ZDHHC14: variants seen among roughly 807,000 people sequenced by gnomAD.
ZDHHC14 encodes the protein zDHHC palmitoyltransferase 14.
ZDHHC14 carries 16 observed loss-of-function variants against 47.7 expected under a neutral mutation model. The ratio of observed to expected loss-of-function variants is 0.34; its 90% CI spans 0.23 to 0.51. The LOEUF is 0.51. Among genes scored for constraint, ZDHHC14 ranks in the 20% least tolerant of loss-of-function variants. ZDHHC14 has a pLI of 0.97. For missense variants in ZDHHC14, 515 were observed against 662.5 expected (o/e 0.78, Z 2.44); for synonymous variants, 293 against 278.9 (o/e 1.05, Z -0.50).
At chr6:157,447,079 C>T (rs9364502) in intron 1 of ZDHHC14, among the ~76,000 whole-genome samples, 109,912 of 151,772 alleles carry the variant, frequency 0.72, 39,818 homozygotes, top group Admixed American at 0.76. Flanking sequence ...AGATGCACCA[C>T]TGTACTTCAG....
intron 1 of ZDHHC14, among the ~76,000 whole-genome samples, chr6:157,453,031 A>G (rs963716664): frequency 6.6e-6 from 1 of 151,994 alleles, no homozygotes; most frequent in African/African-American, 2.4e-5. Flanking sequence ...AATAAGCACA[A>G]TACTCTTCTT....
chr6:157,410,512 C>G (rs867947971), intron 1 of ZDHHC14, among the ~76,000 whole-genome samples: 1 of 152,124 alleles, frequency 6.6e-6, no homozygotes, highest in African/African-American at 2.4e-5. Flanking sequence ...CAACTCATTA[C>G]CAACTCAATT....
intron 1 of ZDHHC14, among the ~76,000 whole-genome samples, chr6:157,387,094 A>G (rs1399841771): frequency 2.0e-5 from 3 of 152,192 alleles, no homozygotes; most frequent in Non-Finnish European, 2.9e-5. Context: ...CCTGGGGCTC[A>G]GACACTTGAA....
chr6:157,452,651 G>C (rs1778827665), intron 1 of ZDHHC14, among the ~76,000 whole-genome samples: 2 of 148,734 alleles, frequency 1.3e-5, no homozygotes, highest in Admixed American at 6.7e-5. Context: ...GAAAGGAAAG[G>C]TGTTTGGCAA....
intron 1 of ZDHHC14, among the ~76,000 whole-genome samples, chr6:157,503,717 A>G (rs1562451443): frequency 6.6e-6 from 1 of 152,178 alleles, no homozygotes; most frequent in East Asian, 1.9e-4. Context: ...AAACATGAAA[A>G]CATGCTCAGC....
rs996109341 is a variant in ZDHHC14 at position 157,430,313 on chromosome 6, A to G, written c.245+48047A>G. 1.4e-4 allele frequency among the ~76,000 whole-genome samples: 11 copies of G among 77,946 alleles called. No individual in the cohort carries two copies. In the East Asian group the frequency reaches 4.3e-3, roughly 30 times the overall value. The allele number at this position is 77,946 out of a possible 152,430, so 51.1% of individuals were successfully genotyped here. On this transcript the variant is annotated intron_variant, in intron 1 of 8. Coordinates refer to ENST00000359775, the MANE Select transcript of ZDHHC14 (RefSeq NM_024630.3). ...CCTGGTGACAAAGCAAGACTGTGTA[A>G]AAAAAAAAAAAAAAAAAAAGCATAC...
At chr6:157,587,650 G>A (rs1434549472) in intron 2 of ZDHHC14, among the ~76,000 whole-genome samples, 1 of 152,124 alleles carries the variant, frequency 6.6e-6, no homozygotes, top group Admixed American at 6.6e-5. Context: ...CCATTGCCCC[G>A]CCCTGCCCTC....
At chr6:157,650,743 A>G (rs1030573011) in intron 7 of ZDHHC14, among the ~76,000 whole-genome samples, 3 of 152,122 alleles carry the variant, frequency 2.0e-5, no homozygotes, top group African/African-American at 7.2e-5. Context: ...GTTTATTGAC[A>G]GTTAACACTT....
intron 1 of ZDHHC14, among the ~76,000 whole-genome samples, chr6:157,535,405 G>A (rs879931055): frequency 3.3e-5 from 5 of 152,214 alleles, no homozygotes; most frequent in Non-Finnish European, 5.9e-5. Context: ...GAAAGCTACA[G>A]TTCTCACCCG....
chr6:157,466,613 G>T (rs112830470), intron 1 of ZDHHC14, among the ~76,000 whole-genome samples: 8 of 152,278 alleles, frequency 5.3e-5, no homozygotes, highest in African/African-American at 1.9e-4. Context: ...CAAGGTGGGC[G>T]GATCACCTGA....
chr6:157,449,938 C>T (rs1366705790), intron 1 of ZDHHC14, among the ~76,000 whole-genome samples: 1 of 152,126 alleles, frequency 6.6e-6, no homozygotes, highest in Non-Finnish European at 1.5e-5. Context: ...TTTAATTTCC[C>T]TGGTCTGTCG....
In ZDHHC14 at chr6:157,620,563, G is replaced by A. The variant is rs150815185; in HGVS notation, c.566-7786G>A. ...CTTCTTCCAACATTCACTTTGCTGA[G>A]GATGAGGCCACCTTGACTTGATTGA... On this transcript the variant is annotated intron_variant, in intron 3 of 8. Coordinates refer to ENST00000359775, the MANE Select transcript of ZDHHC14 (RefSeq NM_024630.3). 1.3e-3 allele frequency among the ~76,000 whole-genome samples: 201 copies of A among 152,348 alleles called. 1 individual carries two copies. The highest frequency in any genetic ancestry group is 2.1e-3 in the Non-Finnish European group (141 of 68,034).
chr6:157,505,008 C>T (rs921385731), intron 1 of ZDHHC14, among the ~76,000 whole-genome samples: 1 of 152,028 alleles, frequency 6.6e-6, no homozygotes, highest in African/African-American at 2.4e-5. Context: ...TGGGGTTTCA[C>T]CCTGTTGGCC....
intron 1 of ZDHHC14, among the ~76,000 whole-genome samples, chr6:157,450,998 T>TTG (rs34066002): frequency 0.27 from 40,175 of 147,510 alleles, 6,159 homozygotes; most frequent in East Asian, 0.49. Context: ...AAGTCTGGTC[T>TTG]TGTGTGTGTG....
At chr6:157,485,944 T>C (rs990388543) in intron 1 of ZDHHC14, among the ~76,000 whole-genome samples, 1 of 152,158 alleles carries the variant, frequency 6.6e-6, no homozygotes, top group Admixed American at 6.5e-5. Context: ...ACCCAGGAAG[T>C]GGAGGTTGCA....
intron 3 of ZDHHC14, among the ~76,000 whole-genome samples, chr6:157,600,417 G>A (rs902893709): frequency 9.9e-5 from 15 of 152,138 alleles, no homozygotes; most frequent in African/African-American, 3.4e-4. Context: ...TTGATAAAAT[G>A]CGACATTTGT....
intron 1 of ZDHHC14, among the ~76,000 whole-genome samples, chr6:157,516,054 C>G (rs1202216143): frequency 6.6e-6 from 1 of 152,214 alleles, no homozygotes; most frequent in Non-Finnish European, 1.5e-5. Context: ...AGAGTAACCG[C>G]TACCCTGCCC....
chr6:157,510,200 C>T (rs528011826), intron 1 of ZDHHC14, among the ~76,000 whole-genome samples: 20 of 152,196 alleles, frequency 1.3e-4, no homozygotes, highest in Non-Finnish European at 2.1e-4. Flanking sequence ...GCCCAGATCG[C>T]GCCACTGCAC....
chr6:157,400,145 G>A (rs144400366), intron 1 of ZDHHC14, among the ~76,000 whole-genome samples: 1,771 of 152,254 alleles, frequency 0.012, 15 homozygotes, highest in Non-Finnish European at 0.016. Context: ...CTGCTTCCCT[G>A]GACCTTGGTG....
Sources: gnomAD v4.1 joint callset for allele counts (sites outside exome capture counted in the v4.1 genomes callset) on GRCh38, gnomAD v4.1.1 for gene constraint, MANE v1.5 for transcripts, NCBI Gene and HGNC (gene_info 2026-07-23, HGNC 2026-07-21) for gene names.